Variants in PRELID2 observed in about 807,000 individuals in gnomAD.
PRELID2 encodes the protein PRELI domain-containing protein 2.
A neutral mutation model predicts 28.4 loss-of-function variants in PRELID2; 25 were observed. The observed-to-expected ratio is 0.88, with a 90% CI of 0.64 to 1.23. PRELID2 has a LOEUF of 1.23. Ranked by LOEUF, PRELID2 falls within the 50% of genes most tolerant of loss-of-function variation. PRELID2 has a pLI of 0.00. For missense variants in PRELID2, 201 were observed against 214.4 expected (o/e 0.94, Z 0.39); for synonymous variants, 76 against 71.6 (o/e 1.06, Z -0.31).
the PRELID2 span, chr5:145,440,760 T>C: frequency 1.3e-5 from 2 of 152,080 alleles, no homozygotes; most frequent in East Asian, 1.9e-4. Context: ...TAATGATCTA[T>C]GGAAGAAAAG....
chr5:145,232,527 T>C, the PRELID2 span, among the ~76,000 whole-genome samples: 2 of 152,178 alleles, frequency 1.3e-5, no homozygotes, highest in Non-Finnish European at 2.9e-5. Context: ...AGTAAGGTCT[T>C]GTTGAGTCTT....
At chr5:145,520,280 TC>T (rs1295567190) in intron 1 of PRELID2, among the ~76,000 whole-genome samples, 2 of 152,196 alleles carry the variant, frequency 1.3e-5, no homozygotes, top group Non-Finnish European at 2.9e-5. Context: ...CATTCCTGTG[TC>T]TTCTGAACTG....
At chr5:145,376,643 T>G in the PRELID2 span, among the ~76,000 whole-genome samples, 1 of 152,194 alleles carries the variant, frequency 6.6e-6, no homozygotes, top group South Asian at 2.1e-4. Context: ...ATCCAGCAAT[T>G]TATCCATTTC....
chr5:145,700,178 C>G (rs969558928), intron 1 of PRELID2, among the ~76,000 whole-genome samples: 1 of 148,010 alleles, frequency 6.8e-6, no homozygotes, highest in South Asian at 2.1e-4. Flanking sequence ...AGTGGTTTTT[C>G]TGGTCATCAA....
the PRELID2 span, among the ~76,000 whole-genome samples, chr5:145,403,280 G>A: frequency 1.3e-5 from 2 of 152,176 alleles, no homozygotes; most frequent in Non-Finnish European, 2.9e-5. Flanking sequence ...GCTCATGTCT[G>A]TAACCCCAGC....
At chr5:145,418,387 C>T in the PRELID2 span, among the ~76,000 whole-genome samples, 1 of 152,086 alleles carries the variant, frequency 6.6e-6, no homozygotes, top group Non-Finnish European at 1.5e-5. Flanking sequence ...AGAAAAAAAA[C>T]TATTTTAAAA....
At chr5:145,453,473 T>C in the PRELID2 span, among the ~76,000 whole-genome samples, 1 of 152,198 alleles carries the variant, frequency 6.6e-6, no homozygotes, top group Non-Finnish European at 1.5e-5. Context: ...TTATTTATAT[T>C]TTTATTCTAC....
chr5:145,321,818 A>T, the PRELID2 span, among the ~76,000 whole-genome samples: 1 of 152,202 alleles, frequency 6.6e-6, no homozygotes, highest in Non-Finnish European at 1.5e-5. Context: ...TTCCTCATAC[A>T]AATAAATTAA....
At chr5:145,713,227 T>C (rs1281292665) in intron 1 of PRELID2, among the ~76,000 whole-genome samples, 2 of 150,944 alleles carry the variant, frequency 1.3e-5, no homozygotes, top group Non-Finnish European at 3.0e-5. Flanking sequence ...AAAACATACC[T>C]AGACACATTA....
At chr5:145,648,549 G>A (rs555992408) in intron 1 of PRELID2, among the ~76,000 whole-genome samples, 200 of 151,534 alleles carry the variant, frequency 1.3e-3, no homozygotes, top group African/African-American at 4.7e-3. Context: ...GTTCATGAAA[G>A]TAATTTTTTT....
chr5:145,563,606 G>A (rs1357685074), intron 1 of PRELID2, among the ~76,000 whole-genome samples: 2 of 152,150 alleles, frequency 1.3e-5, no homozygotes, highest in South Asian at 2.1e-4. Flanking sequence ...AGACAGCTTC[G>A]ATTTTAGTCC....
chr5:145,278,132 TG>T, the PRELID2 span, among the ~76,000 whole-genome samples: 1 of 152,164 alleles, frequency 6.6e-6, no homozygotes, highest in Admixed American at 6.6e-5. Context: ...GAACTCATCT[TG>T]GTTTTTGAAT....
chr5:145,741,907 T>A (rs1756800762), intron 1 of PRELID2, among the ~76,000 whole-genome samples: 1 of 121,642 alleles, frequency 8.2e-6, no homozygotes, highest in African/African-American at 3.3e-5. Context: ...AATTTAAATT[T>A]ATATATAAAT....
At chr5:145,771,786 C>T (rs1291128775) in intron 5 of PRELID2, among the ~76,000 whole-genome samples, 5 of 151,476 alleles carry the variant, frequency 3.3e-5, no homozygotes, top group Non-Finnish European at 5.9e-5. Context: ...ACGTGGGAGG[C>T]GAAGATTGCG....
intron 4 of PRELID2, among the ~76,000 whole-genome samples, chr5:145,809,429 T>C (rs897745696): frequency 6.6e-6 from 1 of 151,884 alleles, no homozygotes; most frequent in Non-Finnish European, 1.5e-5. Flanking sequence ...GGCCCTAAAA[T>C]GGTTTTCATG....
the PRELID2 span, among the ~76,000 whole-genome samples, chr5:145,461,044 G>A: frequency 2.0e-5 from 3 of 152,262 alleles, no homozygotes; most frequent in African/African-American, 7.2e-5. Flanking sequence ...GATAACGGAT[G>A]GAGATAATGA....
chr5:145,812,816 A>C (rs1456490598), intron 4 of PRELID2, among the ~76,000 whole-genome samples: 1 of 152,236 alleles, frequency 6.6e-6, no homozygotes, highest in South Asian at 2.1e-4. Context: ...TATTATGGAG[A>C]GAATAGAAAT....
At chr5:145,501,321 C>G (rs529075879) in intron 1 of PRELID2, among the ~76,000 whole-genome samples, 1 of 152,232 alleles carries the variant, frequency 6.6e-6, no homozygotes, top group South Asian at 2.1e-4. Context: ...TAAAAGGTGT[C>G]CCTTGCCCAG....
chr5:145,777,946 G>C (rs1291314789), intron 5 of PRELID2, among the ~76,000 whole-genome samples: 1 of 152,186 alleles, frequency 6.6e-6, no homozygotes, highest in Non-Finnish European at 1.5e-5. Context: ...TGGACACCAT[G>C]AATGGCAGCA....
Sources: gnomAD v4.1 joint callset for allele counts (sites outside exome capture counted in the v4.1 genomes callset) on GRCh38, gnomAD v4.1.1 for gene constraint, MANE v1.5 for transcripts, NCBI Gene and HGNC (gene_info 2026-07-23, HGNC 2026-07-21) for gene names.